The following EIF2S1 variants were observed in gnomAD, a reference collection of about 807,000 sequenced individuals.
EIF2S1 encodes the protein eukaryotic translation initiation factor 2 subunit alpha.
EIF2S1 carries 5 observed loss-of-function variants against 33.5 expected under a neutral mutation model. The observed-to-expected ratio is 0.15, with a 90% CI of 0.08 to 0.31. The LOEUF is 0.31. Among genes scored for constraint, EIF2S1 ranks in the 10% least tolerant of loss-of-function variants. The probability of loss-of-function intolerance (pLI) is 1.00; values close to 1 mark genes in which losing one functional copy is unlikely to be tolerated. For missense variants in EIF2S1, 191 were observed against 384.6 expected (o/e 0.50, Z 4.21); for synonymous variants, 99 against 127.5 (o/e 0.78, Z 1.51).
intron 2 of EIF2S1, among the ~76,000 whole-genome samples, chr14:67,372,039 G>A (rs1196389230): frequency 6.6e-6 from 1 of 151,374 alleles, no homozygotes; most frequent in East Asian, 1.9e-4. Context: ...CCTAGGTGGG[G>A]GGATCACTTG....
rs1566619067 is a variant in EIF2S1 at position 67,384,127 on chromosome 14, C to G, written c.*687C>G. On this transcript the variant is annotated 3_prime_UTR_variant, in exon 8 of 8. Coordinates refer to ENST00000256383, the MANE Select transcript of EIF2S1 (RefSeq NM_004094.5). ...CCTTTTATCTATTTGAGATTGATGA[C>G]AACCTGTGTGAGAGAATTTATCACA... The G allele has an allele frequency of 1.3e-5, 2 of 152,444 alleles. No homozygotes were observed. The highest frequency in any genetic ancestry group is 6.5e-5 in the Admixed American group (1 of 15,304). 9.4% of individuals were successfully genotyped at this position (152,444 alleles called of 1,614,324 possible).
chr14:67,367,293 C>T (rs1260032332), intron 2 of EIF2S1, among the ~76,000 whole-genome samples: 3 of 152,174 alleles, frequency 2.0e-5, no homozygotes, highest in Admixed American at 6.5e-5. Flanking sequence ...TGCAGTGGCA[C>T]GATCTTGGCT....
In EIF2S1 at chr14:67,381,709, C is replaced by T; in HGVS notation, c.678+19C>T. On this transcript the variant is annotated intron_variant, in intron 6 of 7. Transcript: ENST00000256383. The stretch of plus-strand genomic sequence containing the variant: ...CATTAAGGTGAGTCATGAGTTGTCT[C>T]CCTCCCTGCTGAAATGCTCACCTAA... The T allele has an allele frequency of 6.4e-7, 1 of 1,566,954 alleles. No homozygotes were observed. Among genetic ancestry groups the T allele is most frequent in the African/African-American group, 1.4e-5 (1 of 73,978 alleles).
At position 67,382,597 on chromosome 14, in the gene EIF2S1, T is replaced by G. The variant is rs368523962; in HGVS notation, c.822+7T>G. ...GTTCAATGTTCAAATGGAGGTGAGATCAATAGATTCATTTTTAATAATGAC... is the reference window on the plus strand; with the variant it reads ...GTTCAATGTTCAAATGGAGGTGAGAGCAATAGATTCATTTTTAATAATGAC... On this transcript the variant is annotated splice_region_variant and intron_variant, in intron 7 of 7. Transcript: ENST00000256383. 770 of 1,613,454 alleles carry G rather than the reference T, an allele frequency of 4.8e-4. No homozygotes were observed. The highest frequency in any genetic ancestry group is 6.4e-4 in the Non-Finnish European group (752 of 1,179,684).
chr14:67,360,864 C>T (rs1344681252), intron 1 of EIF2S1: 2 of 152,222 alleles, frequency 1.3e-5, no homozygotes, highest in Non-Finnish European at 2.9e-5. Context: ...TCCGCCCCAA[C>T]AGCTCTACCA....
At chr14:67,376,354 C>A in intron 3 of EIF2S1, 85 bp from the exon 4 acceptor site, 1 of 1,297,220 alleles carries the variant, frequency 7.7e-7, no homozygotes, top group Non-Finnish European at 1.0e-6. Context: ...TTATTGTAGC[C>A]AAATTATGTT....
At chr14:67,382,892 T>TGTACGTGC (rs1555347742) in intron 7 of EIF2S1, among the ~76,000 whole-genome samples, 1 of 147,952 alleles carries the variant, frequency 6.8e-6, no homozygotes, top group African/African-American at 2.6e-5. Flanking sequence ...AAGAAGTGTG[T>TGTACGTGC]GTACGTGCGT....
At chr14:67,372,676 A>G (rs747012292) in intron 2 of EIF2S1, among the ~76,000 whole-genome samples, 8 of 152,108 alleles carry the variant, frequency 5.3e-5, no homozygotes, top group Non-Finnish European at 1.2e-4. Context: ...TAAAATATAA[A>G]AAATTAGCGG....
rs1031131733 is a variant in EIF2S1, at chr14:67,360,370, C to T, written c.-88C>T. 4.0e-5 allele frequency: 16 copies of T among 396,496 alleles called. No individual in the cohort carries two copies. The highest frequency in any genetic ancestry group is 5.8e-5 in the Non-Finnish European group (13 of 225,234). The allele number at this position is 396,496 out of a possible 1,614,324, so 24.6% of individuals were successfully genotyped here. ...CGAAGCGCACGCTGAGGAGGATCGG[C>T]GGCCGGTGAGGGGGAAGCAAGTCTG... is the stretch of plus-strand genomic sequence containing the variant. On this transcript the variant is annotated 5_prime_UTR_variant, in exon 1 of 8. Coordinates refer to ENST00000256383, the MANE Select transcript of EIF2S1 (RefSeq NM_004094.5).
At chr14:67,376,196 T>C (rs943268658) in intron 3 of EIF2S1, among the ~76,000 whole-genome samples, 1 of 152,172 alleles carries the variant, frequency 6.6e-6, no homozygotes, top group Non-Finnish European at 1.5e-5. Flanking sequence ...AGTTTCTTCT[T>C]TTTCCAGAGG....
At chr14:67,367,604 C>T (rs976982934) in intron 2 of EIF2S1, among the ~76,000 whole-genome samples, 3 of 152,192 alleles carry the variant, frequency 2.0e-5, no homozygotes, top group East Asian at 3.8e-4. Flanking sequence ...GAATGGAACA[C>T]GGTGGGCACG....
At chr14:67,365,134 A>C in intron 2 of EIF2S1, 126 bp downstream of exon 2, 1 of 1,054,386 alleles carries the variant, frequency 9.5e-7, no homozygotes. Flanking sequence ...AACCTTTTAC[A>C]TACAAAGTTG....
intron 2 of EIF2S1, among the ~76,000 whole-genome samples, chr14:67,373,765 A>G (rs2085840174): frequency 6.6e-6 from 1 of 152,146 alleles, no homozygotes; most frequent in African/African-American, 2.4e-5. Flanking sequence ...GTGAGGGTTC[A>G]AGAAGATGTT....
At chr14:67,362,399 TA>T (rs1243874823) in intron 1 of EIF2S1, among the ~76,000 whole-genome samples, 1 of 152,224 alleles carries the variant, frequency 6.6e-6, no homozygotes, top group Non-Finnish European at 1.5e-5. Flanking sequence ...ATTATTATAT[TA>T]CAAAATGGAA....
chr14:67,385,231 G>A lies in EIF2S1; in HGVS notation c.*1791G>A, dbSNP rs1366154012. The A allele has an allele frequency of 3.3e-5, 5 of 152,134 alleles. No homozygotes were observed. Among genetic ancestry groups the A allele is most frequent in the Non-Finnish European group, 4.4e-5 (3 of 68,034 alleles). 9.4% of individuals were successfully genotyped at this position (152,134 alleles called of 1,614,324 possible). A position where few individuals can be genotyped will look rare whatever the true frequency, so the allele number is the denominator to read the frequency against. The stretch of plus-strand genomic sequence containing the variant: ...ACAGCAGGGACAAGATACATATGAG[G>A]ACAAGGTATACACCCAGTTCTGAAT... On this transcript the variant is annotated 3_prime_UTR_variant, in exon 8 of 8. Coordinates refer to ENST00000256383, the MANE Select transcript of EIF2S1 (RefSeq NM_004094.5).
At position 67,375,046 on chromosome 14, in the gene EIF2S1, T is replaced by G. The variant is rs2085849309; in HGVS notation, c.321+499T>G. ...GGCAGAGGCCTGTTACTAGTTTTGG[T>G]TTTTTTCCCCCTCCACTAGCGTGTT... On this transcript the variant is annotated intron_variant, in intron 3 of 7. Transcript: ENST00000256383. Among the ~76,000 whole-genome samples, 3 of 152,126 alleles carry G rather than the reference T, an allele frequency of 2.0e-5. No homozygotes were observed. The South Asian group carries it at 6.2e-4, about 32-fold the overall frequency.
intron 3 of EIF2S1, 175 bp downstream of exon 3, chr14:67,374,722 A>G: frequency 4.7e-6 from 2 of 422,136 alleles, no homozygotes; most frequent in Non-Finnish European, 4.2e-6. Flanking sequence ...GGTGACTTCA[A>G]CTGCTTTAAC....
intron 6 of EIF2S1, among the ~76,000 whole-genome samples, chr14:67,381,909 T>C (rs567301026): frequency 3.3e-5 from 5 of 152,296 alleles, no homozygotes; most frequent in East Asian, 3.9e-4. Context: ...TGGATGGAGA[T>C]TCCTATTGGT....
intron 1 of EIF2S1, among the ~76,000 whole-genome samples, chr14:67,361,949 A>AATT (rs1360431074): frequency 6.6e-6 from 1 of 151,242 alleles, no homozygotes; most frequent in East Asian, 1.9e-4. Context: ...TTTGTATTGT[A>AATT]ATTATTTGCT....
Sources: gnomAD v4.1 joint callset for allele counts (sites outside exome capture counted in the v4.1 genomes callset) on GRCh38, gnomAD v4.1.1 for gene constraint, MANE v1.5 for transcripts, NCBI Gene and HGNC (gene_info 2026-07-23, HGNC 2026-07-21) for gene names.